The following ENTHD1 variants were observed in gnomAD, a reference collection of about 807,000 sequenced individuals.
ENTHD1 encodes the protein ENTH domain-containing protein 1.
Under a neutral mutation model 39.1 loss-of-function variants are expected in ENTHD1, and 23 were observed. The observed-to-expected ratio is 0.59, with a 90% CI of 0.42 to 0.83. The LOEUF (loss-of-function observed/expected upper bound fraction) is 0.83. Among genes scored for constraint, ENTHD1 ranks in the 40% least tolerant of loss-of-function variants. The pLI is 0.00. For synonymous variants in ENTHD1, 230 were observed against 258.2 expected, an observed-to-expected ratio of 0.89 and a Z score of 1.05; for missense variants, 624 against 705.4, an observed-to-expected ratio of 0.88 and a Z score of 1.31.
At chr22:39,753,088 T>C (rs983033923) in intron 6 of ENTHD1, among the ~76,000 whole-genome samples, 8 of 152,232 alleles carry the variant, frequency 5.3e-5, no homozygotes, top group South Asian at 4.2e-4. Context: ...ACAAAGCCAA[T>C]TGGATAGGAA....
At chr22:39,768,093 G>A (rs995258638) in intron 5 of ENTHD1, among the ~76,000 whole-genome samples, 7 of 152,180 alleles carry the variant, frequency 4.6e-5, no homozygotes, top group Admixed American at 2.6e-4. Flanking sequence ...GAAAGCTAAA[G>A]AGTCTTGAAG....
intron 6 of ENTHD1, among the ~76,000 whole-genome samples, chr22:39,748,699 AG>A (rs1349697278): frequency 1.3e-5 from 2 of 152,110 alleles, no homozygotes; most frequent in Non-Finnish European, 2.9e-5. Flanking sequence ...CTGGGATTAC[AG>A]GTGTGAGCCA....
intron 2 of ENTHD1, among the ~76,000 whole-genome samples, chr22:39,868,332 G>A (rs1393547214): frequency 6.8e-6 from 1 of 147,800 alleles, no homozygotes. Flanking sequence ...GAGGGAACTG[G>A]AGAAACCTTT....
intron 6 of ENTHD1, among the ~76,000 whole-genome samples, chr22:39,763,841 T>C (rs2065254013): frequency 1.3e-5 from 2 of 152,294 alleles, no homozygotes; most frequent in Admixed American, 6.5e-5. Context: ...AATGATCTTT[T>C]TGTGGTATTC....
At chr22:39,812,547 G>A (rs1395196810) in intron 5 of ENTHD1, among the ~76,000 whole-genome samples, 3 of 152,206 alleles carry the variant, frequency 2.0e-5, no homozygotes, top group Admixed American at 6.5e-5. Flanking sequence ...GCTCGACTTA[G>A]TGGCTGTCAA....
intron 5 of ENTHD1, among the ~76,000 whole-genome samples, chr22:39,771,887 G>A (rs973221636): frequency 6.6e-6 from 1 of 152,166 alleles, no homozygotes; most frequent in Non-Finnish European, 1.5e-5. Context: ...TGGAAAGTTG[G>A]ATCTTTGGGA....
At chr22:39,819,758 T>C (rs767112177) in intron 5 of ENTHD1, among the ~76,000 whole-genome samples, 1 of 152,220 alleles carries the variant, frequency 6.6e-6, no homozygotes, top group Non-Finnish European at 1.5e-5. Flanking sequence ...TATATGGCAA[T>C]GGAAGTTCAT....
rs189336557 is a variant in ENTHD1, at chr22:39,788,511, G to A, written c.833-22902C>T. ...ATGGATGAGCAAAGAAAGTGGTTTA[G>A]GAGATGGAATCTATTAGTGAAGACG... On this transcript the variant is annotated intron_variant, in intron 5 of 6. Coordinates refer to ENST00000325157, the MANE Select transcript of ENTHD1 (RefSeq NM_152512.4). 1.4e-3 allele frequency among the ~76,000 whole-genome samples: 213 copies of A among 152,314 alleles called. 1 individual carries two copies. Among genetic ancestry groups the A allele is most frequent in the African/African-American group, 4.8e-3 (198 of 41,570 alleles).
intron 5 of ENTHD1, among the ~76,000 whole-genome samples, chr22:39,768,214 T>A (rs1437089759): frequency 6.6e-6 from 1 of 152,194 alleles, no homozygotes; most frequent in East Asian, 1.9e-4. Flanking sequence ...TACTTTATAG[T>A]TTATATTTGA....
chr22:39,828,081 T>C (rs1277289195), intron 4 of ENTHD1, among the ~76,000 whole-genome samples: 1 of 152,242 alleles, frequency 6.6e-6, no homozygotes, highest in African/African-American at 2.4e-5. Context: ...GTCCATGATA[T>C]ATTGTTCAGT....
chr22:39,821,746 G>A (rs2146650947), intron 4 of ENTHD1, among the ~76,000 whole-genome samples: 1 of 152,286 alleles, frequency 6.6e-6, no homozygotes, highest in South Asian at 2.1e-4. Flanking sequence ...ATTCCTTACA[G>A]TTTGGGAGGT....
chr22:39,751,357 A>AG (rs1285374066), intron 6 of ENTHD1: 4 of 153,236 alleles, frequency 2.6e-5, no homozygotes, highest in Non-Finnish European at 5.9e-5. Context: ...TACACTTCAA[A>AG]GGATCTTCTC....
intron 2 of ENTHD1, among the ~76,000 whole-genome samples, chr22:39,885,668 T>G (rs1260331644): frequency 1.3e-5 from 2 of 152,208 alleles, no homozygotes; most frequent in Non-Finnish European, 2.9e-5. Context: ...AATAAAGTTC[T>G]GATACATCCT....
chr22:39,805,305 G>A (rs1472708735), intron 5 of ENTHD1, among the ~76,000 whole-genome samples: 5 of 152,214 alleles, frequency 3.3e-5, no homozygotes, highest in Non-Finnish European at 7.3e-5. Context: ...GAAATAGAAC[G>A]GAAGTAGGAG....
chr22:39,863,428 AC>A (rs928737235), intron 2 of ENTHD1, among the ~76,000 whole-genome samples: 21 of 152,172 alleles, frequency 1.4e-4, no homozygotes, highest in African/African-American at 4.6e-4. Flanking sequence ...TCTGTCCTTA[AC>A]CATCTGTGTG....
At chr22:39,881,920 C>G (rs2066341818) in intron 2 of ENTHD1, among the ~76,000 whole-genome samples, 1 of 152,158 alleles carries the variant, frequency 6.6e-6, no homozygotes, top group Non-Finnish European at 1.5e-5. Flanking sequence ...GCCAAGAAAG[C>G]CTTTTTTTCT....
chr22:39,826,033 G>A (rs1439662245), intron 4 of ENTHD1, among the ~76,000 whole-genome samples: 3 of 152,108 alleles, frequency 2.0e-5, no homozygotes, highest in African/African-American at 7.2e-5. Flanking sequence ...ACACCACCAC[G>A]CCTGGCTAAT....
At chr22:39,816,254 G>T (rs2146641121) in intron 5 of ENTHD1, among the ~76,000 whole-genome samples, 1 of 152,244 alleles carries the variant, frequency 6.6e-6, no homozygotes, top group South Asian at 2.1e-4. Context: ...TTAGTGAACT[G>T]GACAGAATTT....
chr22:39,876,330 T>C (rs2066289189), intron 2 of ENTHD1, among the ~76,000 whole-genome samples: 1 of 152,220 alleles, frequency 6.6e-6, no homozygotes, highest in African/African-American at 2.4e-5. Context: ...TGCTCAGTCA[T>C]ACACGCGAAA....
Sources: allele counts gnomAD v4.1 joint callset (sites outside exome capture counted in the v4.1 genomes callset), GRCh38; gene constraint gnomAD v4.1.1; transcripts MANE v1.5; gene names NCBI Gene and HGNC (gene_info 2026-07-23, HGNC 2026-07-21).